Variants in TTLL11 observed in about 807,000 individuals in gnomAD.
TTLL11 encodes the protein tubulin tyrosine ligase like 11.
In TTLL11, 42 loss-of-function variants were observed where a neutral mutation model predicts 51.7. The observed-to-expected ratio is 0.81, with a 90% CI of 0.64 to 1.05. TTLL11 has a LOEUF of 1.05. Among genes scored for constraint, TTLL11 ranks in the 50% least tolerant of loss-of-function variants. The probability of loss-of-function intolerance (pLI) is 0.00; values close to 1 mark genes in which losing one functional copy is unlikely to be tolerated. For missense variants in TTLL11, 799 were observed against 940.4 expected, an observed-to-expected ratio of 0.85 and a Z score of 1.97; for synonymous variants, 381 against 383.5, an observed-to-expected ratio of 0.99 and a Z score of 0.08.
At chr9:121,983,628 C>A (rs1002269216) in intron 4 of TTLL11, among the ~76,000 whole-genome samples, 1 of 152,138 alleles carries the variant, frequency 6.6e-6, no homozygotes, top group African/African-American at 2.4e-5. Context: ...GCAAACCCTT[C>A]TTCATGCTTT....
At chr9:122,084,740 A>G (rs1396372438) in intron 1 of TTLL11, among the ~76,000 whole-genome samples, 1 of 152,162 alleles carries the variant, frequency 6.6e-6, no homozygotes. Context: ...CCTCACAACA[A>G]CTAGCTAGTA....
At chr9:121,910,990 G>A (rs867943579) in intron 6 of TTLL11, among the ~76,000 whole-genome samples, 58 of 152,094 alleles carry the variant, frequency 3.8e-4, no homozygotes, top group African/African-American at 1.3e-3. Flanking sequence ...CATTGGTAAA[G>A]GTTCTAATTG....
chr9:121,991,963 G>A (rs1188349480), intron 3 of TTLL11, among the ~76,000 whole-genome samples: 1 of 152,062 alleles, frequency 6.6e-6, no homozygotes, highest in Non-Finnish European at 1.5e-5. Context: ...TCAAGTTTGC[G>A]GTGCCATTTT....
intron 6 of TTLL11, among the ~76,000 whole-genome samples, chr9:121,909,144 C>T (rs1241361146): frequency 1.3e-5 from 2 of 152,188 alleles, no homozygotes; most frequent in African/African-American, 4.8e-5. Context: ...TTGATCCATT[C>T]CTTCATTTAT....
At chr9:122,064,746 C>T (rs1356703377) in intron 1 of TTLL11, among the ~76,000 whole-genome samples, 1 of 152,020 alleles carries the variant, frequency 6.6e-6, no homozygotes, top group Non-Finnish European at 1.5e-5. Context: ...GGAATGCTTT[C>T]CTGAAAGCTG....
chr9:121,924,762 CTT>C (rs762402616), intron 6 of TTLL11, among the ~76,000 whole-genome samples: 3,032 of 139,246 alleles, frequency 0.022, 40 homozygotes, highest in African/African-American at 0.05. Context: ...ATAACAAGCA[CTT>C]TTTTTTTTTT....
At chr9:121,931,721 A>T (rs1840990797) in intron 6 of TTLL11, among the ~76,000 whole-genome samples, 1 of 152,140 alleles carries the variant, frequency 6.6e-6, no homozygotes, top group Non-Finnish European at 1.5e-5. Context: ...GTGGAACAAT[A>T]GAGGGCTCTC....
At position 122,020,978 on chromosome 9, in the gene TTLL11, T is replaced by G. The variant is rs10985489; in HGVS notation, c.693+10745A>C. Among the ~76,000 whole-genome samples, 476 of 152,350 alleles carry G rather than the reference T, an allele frequency of 3.1e-3. 3 individuals are homozygous for G. The highest frequency in any genetic ancestry group is 0.011 in the African/African-American group (451 of 41,594). On this transcript the variant is annotated intron_variant, in intron 3 of 8. Coordinates refer to ENST00000321582, the MANE Select transcript of TTLL11 (RefSeq NM_001139442.2). Reference sequence around the variant, plus strand: ...AAAACAGTAGTCTAGATAAAAACACTCAGCAAATGTTGCTATTGTTATTGT... The same window carrying G: ...AAAACAGTAGTCTAGATAAAAACACGCAGCAAATGTTGCTATTGTTATTGT...
At chr9:121,892,288 G>A (rs10985432) in intron 6 of TTLL11, among the ~76,000 whole-genome samples, 74,419 of 151,118 alleles carry the variant, frequency 0.49, 18,459 homozygotes, top group Middle Eastern at 0.59. Context: ...GGGAAACTGT[G>A]TTAGTCCATT....
chr9:121,849,099 T>A (rs1036303074), intron 8 of TTLL11, among the ~76,000 whole-genome samples: 2 of 152,262 alleles, frequency 1.3e-5, no homozygotes, highest in African/African-American at 2.4e-5. Context: ...CCCCTGTGAA[T>A]ATAGTCAACT....
At chr9:121,940,520 T>C (rs1841413464) in intron 6 of TTLL11, among the ~76,000 whole-genome samples, 1 of 152,148 alleles carries the variant, frequency 6.6e-6, no homozygotes, top group African/African-American at 2.4e-5. Context: ...GTATTTTTAG[T>C]GGAGACGGGG....
At chr9:122,014,659 T>C (rs1044571677) in intron 3 of TTLL11, among the ~76,000 whole-genome samples, 12 of 152,158 alleles carry the variant, frequency 7.9e-5, no homozygotes, top group African/African-American at 2.7e-4. Flanking sequence ...TAGTAAATAT[T>C]TGTTCACACT....
At chr9:121,921,819 T>G (rs974528806) in intron 6 of TTLL11, among the ~76,000 whole-genome samples, 3 of 151,876 alleles carry the variant, frequency 2.0e-5, no homozygotes. Flanking sequence ...AGGGAAGTAA[T>G]CCTAAGCTTT....
At chr9:122,007,257 A>G (rs1843682961) in intron 3 of TTLL11, among the ~76,000 whole-genome samples, 3 of 152,150 alleles carry the variant, frequency 2.0e-5, no homozygotes, top group South Asian at 4.1e-4. Flanking sequence ...GAAAAGTATA[A>G]GAAAAGCCTG....
At chr9:121,984,074 T>C (rs1842886520) in intron 4 of TTLL11, among the ~76,000 whole-genome samples, 1 of 151,766 alleles carries the variant, frequency 6.6e-6, no homozygotes, top group Non-Finnish European at 1.5e-5. Context: ...AGGGCAGCAA[T>C]GGGAAAGCAC....
intron 6 of TTLL11, among the ~76,000 whole-genome samples, chr9:121,971,048 G>A (rs1216648358): frequency 1.3e-3 from 183 of 141,600 alleles, no homozygotes; most frequent in Non-Finnish European, 1.5e-3. Flanking sequence ...CCGGTCAGCC[G>A]CCCCGTCCGG....
intron 6 of TTLL11, among the ~76,000 whole-genome samples, chr9:121,937,679 A>G (rs150282236): frequency 1.3e-5 from 2 of 152,194 alleles, no homozygotes; most frequent in East Asian, 1.9e-4. Flanking sequence ...AAAAGTATTA[A>G]GAGATGTCCC....
intron 3 of TTLL11, among the ~76,000 whole-genome samples, chr9:122,004,053 C>T (rs1390514330): frequency 1.3e-5 from 2 of 151,284 alleles, no homozygotes; most frequent in South Asian, 4.2e-4. Flanking sequence ...ACCCAGGAGG[C>T]GGAGGTTGCA....
At chr9:121,869,664 A>T (rs1838285636) in intron 7 of TTLL11, among the ~76,000 whole-genome samples, 1 of 152,240 alleles carries the variant, frequency 6.6e-6, no homozygotes, top group South Asian at 2.1e-4. Context: ...GTAAGAAGAA[A>T]CTGACATTTA....
Sources: allele counts gnomAD v4.1 joint callset (sites outside exome capture counted in the v4.1 genomes callset), GRCh38; gene constraint gnomAD v4.1.1; transcripts MANE v1.5; gene names NCBI Gene and HGNC (gene_info 2026-07-23, HGNC 2026-07-21).